SLC9A4: variants seen among roughly 807,000 people sequenced by gnomAD.
The protein encoded by SLC9A4 is sodium/hydrogen exchanger 4.
SLC9A4 carries 63 observed loss-of-function variants against 67.4 expected under a neutral mutation model. That is an observed-to-expected ratio of 0.93 (90% CI 0.76 to 1.15). The LOEUF is 1.15. SLC9A4 is among the 50% of genes most tolerant of loss of function. SLC9A4 has a pLI of 0.00. For synonymous variants in SLC9A4, 393 were observed against 367.2 expected (o/e 1.07, Z -0.80); for missense variants, 1,089 against 987.7 (o/e 1.10, Z -1.38).
chr2:102,473,614 C>A lies in SLC9A4; in HGVS notation c.-146C>A. The stretch of plus-strand genomic sequence containing the variant: ...TGTCTACATACAGAGCTCAATAACA[C>A]ACTCGGAATCTTCTTGGGAGGACCC... On this transcript the variant is annotated 5_prime_UTR_variant, in exon 1 of 12. Transcript: ENST00000295269. 1 of 961,380 alleles carries A rather than the reference C, an allele frequency of 1.0e-6. No individual in the cohort carries two copies. The highest frequency in any genetic ancestry group is 1.5e-6 in the Non-Finnish European group (1 of 658,886). The allele number at this position is 961,380 out of a possible 1,614,324, so 59.6% of individuals were successfully genotyped here.
intron 2 of SLC9A4, among the ~76,000 whole-genome samples, chr2:102,497,576 CGA>C (rs1217337037): frequency 2.6e-5 from 4 of 151,852 alleles, no homozygotes; most frequent in Admixed American, 1.3e-4. Flanking sequence ...TAAATAAGCC[CGA>C]AAAAAGGAGT....
At chr2:102,513,829 T>G (rs1350873847) in intron 7 of SLC9A4, among the ~76,000 whole-genome samples, 2 of 152,224 alleles carry the variant, frequency 1.3e-5, no homozygotes, top group African/African-American at 4.8e-5. Context: ...TTGCCCTGAT[T>G]GCAGCTTGTC....
chr2:102,488,385 G>C (rs912431184), intron 2 of SLC9A4, among the ~76,000 whole-genome samples: 2 of 152,074 alleles, frequency 1.3e-5, no homozygotes, highest in African/African-American at 4.8e-5. Context: ...GGCCTGGATG[G>C]GAGCACTAGA....
chr2:102,474,446 T>A (rs1421673094), intron 1 of SLC9A4, among the ~76,000 whole-genome samples: 3 of 152,214 alleles, frequency 2.0e-5, no homozygotes, highest in Non-Finnish European at 4.4e-5. Flanking sequence ...CACCCCATTG[T>A]TTATTCTTTA....
At chr2:102,488,514 A>G (rs1684632671) in intron 2 of SLC9A4, among the ~76,000 whole-genome samples, 1 of 149,100 alleles carries the variant, frequency 6.7e-6, no homozygotes, top group South Asian at 2.1e-4. Context: ...GGCTAATACC[A>G]CTGAGAAAGC....
At chr2:102,522,307 G>A (rs1206808918) in intron 9 of SLC9A4, among the ~76,000 whole-genome samples, 1 of 152,036 alleles carries the variant, frequency 6.6e-6, no homozygotes, top group Non-Finnish European at 1.5e-5. Context: ...AATGCACCGG[G>A]CATCAGGAAC....
intron 6 of SLC9A4, among the ~76,000 whole-genome samples, chr2:102,510,044 C>T (rs1011923575): frequency 6.6e-6 from 1 of 150,994 alleles, no homozygotes; most frequent in Non-Finnish European, 1.5e-5. Flanking sequence ...AAATTTGCAG[C>T]TGAGTAATTT....
intron 2 of SLC9A4, among the ~76,000 whole-genome samples, chr2:102,482,677 G>C (rs77901828): frequency 5.2e-4 from 79 of 152,008 alleles, no homozygotes; most frequent in Non-Finnish European, 1.0e-3. Context: ...ACTCTCACCC[G>C]CACTACTGAC....
chr2:102,500,337 G>A (rs1232689614), intron 2 of SLC9A4, among the ~76,000 whole-genome samples: 2 of 152,154 alleles, frequency 1.3e-5, no homozygotes, highest in Non-Finnish European at 2.9e-5. Context: ...TAGCACTGCC[G>A]ACATCTCGAG....
intron 2 of SLC9A4, among the ~76,000 whole-genome samples, chr2:102,501,178 C>G (rs6713906): frequency 0.71 from 106,952 of 151,028 alleles, 38,549 homozygotes; most frequent in Middle Eastern, 0.77. Flanking sequence ...CTGGAGTACA[C>G]TGGTGTGGTC....
Position 102,525,059 on chromosome 2 carries a change from A to G in SLC9A4, c.1854A>G (p.Gln618=). The part of the protein sequence containing the change: ...LSYNKYNLKP[Q]TSEKQAKEIL... ...ACAACAAATACAACCTCAAACCCCAAACAAGTGAGAAGCAGGCTAAAGAGA... is the reference window on the plus strand; with the variant it reads ...ACAACAAATACAACCTCAAACCCCAGACAAGTGAGAAGCAGGCTAAAGAGA... Residue 618 remains glutamine (Q), a synonymous_variant, in exon 10 of 12, where the codon CAA becomes CAG. Coordinates refer to ENST00000295269, the MANE Select transcript of SLC9A4 (RefSeq NM_001011552.4). 6.2e-7 allele frequency: 1 copy of G among 1,614,070 alleles called. No individual in the cohort carries two copies. The highest frequency in any genetic ancestry group is 8.5e-7 in the Non-Finnish European group (1 of 1,179,986).
chr2:102,494,919 TG>T (rs1437344707), intron 2 of SLC9A4, among the ~76,000 whole-genome samples: 1 of 152,208 alleles, frequency 6.6e-6, no homozygotes, highest in Non-Finnish European at 1.5e-5. Flanking sequence ...TCTTAGGAAA[TG>T]ATACTAAAAT....
chr2:102,520,007 T>C (rs1160227554), intron 9 of SLC9A4, 52 bp downstream of exon 9: 6 of 1,499,412 alleles, frequency 4.0e-6, no homozygotes, highest in Non-Finnish European at 4.6e-6. Context: ...GAAAACAGTC[T>C]CTGAAGGGGG....
In SLC9A4 at chr2:102,526,131, G is replaced by A. The variant is rs543662618; in HGVS notation, c.1951-128G>A. 3.8e-5 allele frequency: 33 copies of A among 870,064 alleles called. No individual in the cohort carries two copies. The East Asian group carries it at 6.2e-4, about 16-fold the overall frequency. 53.9% of individuals were successfully genotyped at this position (870,064 alleles called of 1,614,324 possible). On this transcript the variant is annotated intron_variant, in intron 10 of 11. Coordinates refer to ENST00000295269, the MANE Select transcript of SLC9A4 (RefSeq NM_001011552.4). ...TTGAACCCCTGACCTCAGGTGATCCGCCCTCTTCTGCCTCCCAAAGTGCTG... is the reference window on the plus strand; with the variant it reads ...TTGAACCCCTGACCTCAGGTGATCCACCCTCTTCTGCCTCCCAAAGTGCTG...
intron 11 of SLC9A4, among the ~76,000 whole-genome samples, chr2:102,529,626 T>C (rs190494444): frequency 4.1e-4 from 63 of 152,298 alleles, no homozygotes; most frequent in Middle Eastern, 3.4e-3. Context: ...TCAAGCACAA[T>C]TGATCATTGG....
chr2:102,491,671 G>A (rs1684705473), intron 2 of SLC9A4, among the ~76,000 whole-genome samples: 1 of 151,982 alleles, frequency 6.6e-6, no homozygotes, highest in African/African-American at 2.4e-5. Context: ...ATGAGATTTG[G>A]GTGGGAACAC....
At chr2:102,526,197 C>T (rs1262600516) in intron 10 of SLC9A4, 62 bp from the exon 11 acceptor site, 6 of 1,539,024 alleles carry the variant, frequency 3.9e-6, no homozygotes, top group Non-Finnish European at 4.5e-6. Flanking sequence ...CCTTTATTTG[C>T]CATGTGAAGC....
chr2:102,477,154 C>T (rs756162772), intron 1 of SLC9A4, among the ~76,000 whole-genome samples: 24 of 152,180 alleles, frequency 1.6e-4, no homozygotes, highest in Non-Finnish European at 2.4e-4. Context: ...AATTCAAGGT[C>T]TTCCATTATT....
At chr2:102,504,310 C>A (rs4851017) in intron 3 of SLC9A4, among the ~76,000 whole-genome samples, 107,718 of 151,996 alleles carry the variant, frequency 0.71, 38,891 homozygotes, top group Middle Eastern at 0.77. Context: ...CCTTGGCCTC[C>A]CAAAGTGGAA....
Sources: gnomAD v4.1 joint callset for allele counts (sites outside exome capture counted in the v4.1 genomes callset) on GRCh38, gnomAD v4.1.1 for gene constraint, MANE v1.5 for transcripts, NCBI Gene and HGNC (gene_info 2026-07-23, HGNC 2026-07-21) for gene names.